The following ACACA variants were observed in gnomAD, a reference collection of about 807,000 sequenced individuals.
ACACA encodes acetyl-CoA carboxylase 1.
A neutral mutation model predicts 296.1 loss-of-function variants in ACACA; 103 were observed. The ratio of observed to expected loss-of-function variants is 0.35; its 90% CI spans 0.30 to 0.41. ACACA has a LOEUF of 0.41. Among genes scored for constraint, ACACA ranks in the 10% least tolerant of loss-of-function variants. ACACA has a pLI of 1.00. For missense variants in ACACA, 1,554 were observed against 2,989.7 expected, an observed-to-expected ratio of 0.52 and a Z score of 11.20; for synonymous variants, 953 against 1,038.6, an observed-to-expected ratio of 0.92 and a Z score of 1.58.
intron 1 of ACACA, chr17:37,376,205 A>C: frequency 6.9e-7 from 1 of 1,451,428 alleles, no homozygotes; most frequent in Non-Finnish European, 9.7e-7. Context: ...GCCTAGAAAG[A>C]GTTTCGGGGT....
Position 37,406,378 on chromosome 17 carries a change from G to A in ACACA, c.-79C>T, listed in dbSNP as rs1203089574. 3.3e-6 allele frequency: 5 copies of A among 1,505,450 alleles called. No homozygotes were observed. The African/African-American group carries it at 5.5e-5, about 17-fold the overall frequency. 93.3% of individuals were successfully genotyped at this position (1,505,450 alleles called of 1,614,324 possible). A position where few individuals can be genotyped will look rare whatever the true frequency, so the allele number is the denominator to read the frequency against. The stretch of plus-strand genomic sequence containing the variant: ...TCTTTCCAAAGAAGACAATTTCGAC[G>A]TTCCAGGAGCATCTGATTGAAACGC... On this transcript the variant is annotated 5_prime_UTR_variant, in exon 1 of 56. It adds an upstream start codon to the 5' untranslated region. Coordinates refer to ENST00000616317, the MANE Select transcript of ACACA (RefSeq NM_198834.3).
At chr17:37,116,614 T>C (rs796534677) in intron 50 of ACACA, among the ~76,000 whole-genome samples, 7 of 152,246 alleles carry the variant, frequency 4.6e-5, no homozygotes, top group African/African-American at 1.7e-4. Flanking sequence ...GGAACACCTA[T>C]AGACCCACAG....
intron 2 of ACACA, among the ~76,000 whole-genome samples, chr17:37,334,643 A>C (rs1003441931): frequency 3.3e-5 from 5 of 152,110 alleles, no homozygotes; most frequent in Admixed American, 1.3e-4. Context: ...ACCAGGGGGA[A>C]AGTAACTAAA....
In ACACA at chr17:37,372,258, A is replaced by C. The variant is rs182860142; in HGVS notation, c.39-32408T>G. Among the ~76,000 whole-genome samples the C allele has an allele frequency of 1.5e-3, 227 of 151,542 alleles. 2 individuals carry two copies. The highest frequency in any genetic ancestry group is 5.3e-3 in the African/African-American group (218 of 41,302). ...GAAACCCCATCTCTACTAAAAATAC[A>C]AAAAATTAGCCAAGCGTGGTGGCGG... On this transcript the variant is annotated intron_variant, in intron 1 of 55. Coordinates refer to ENST00000616317, the MANE Select transcript of ACACA (RefSeq NM_198834.3).
Position 37,330,248 on chromosome 17 carries a change from G to A in ACACA, c.263C>T (p.Pro88Leu). ...GAGTGTATCTGAGCCAACAGAAGCA[G>A]GTGACAAGGAGCCCTCCTTCTCCTC... The part of the protein sequence containing the change: ...LLEEKEGSLS[P>L]ASVGSDTLSD... Residue 88 changes from proline to leucine, a missense_variant, in exon 3 of 56, where the codon CCT becomes CTT. This residue lies in a region of ACACA where 140 missense variants were observed against 147.7 expected (regional missense o/e 0.95). Coordinates refer to ENST00000616317, the MANE Select transcript of ACACA (RefSeq NM_198834.3). 1 of 1,614,076 alleles carries A rather than the reference G, an allele frequency of 6.2e-7. No individual in the cohort carries two copies. The highest frequency in any genetic ancestry group is 2.2e-5 in the East Asian group (1 of 44,890).
chr17:37,189,391 T>TGCCA (rs1200840361), intron 38 of ACACA, among the ~76,000 whole-genome samples: 1 of 152,320 alleles, frequency 6.6e-6, no homozygotes, highest in Middle Eastern at 3.4e-3. Flanking sequence ...TAGTAGCATG[T>TGCCA]GCCACCCTTG....
intron 45 of ACACA, among the ~76,000 whole-genome samples, chr17:37,146,662 G>C (rs941974419): frequency 6.9e-6 from 1 of 145,196 alleles, no homozygotes; most frequent in Non-Finnish European, 1.5e-5. Context: ...GTAAGAGGTG[G>C]GGGGGAAGGG....
At chr17:37,091,188 T>C (rs2072607622) in intron 54 of ACACA, among the ~76,000 whole-genome samples, 1 of 152,166 alleles carries the variant, frequency 6.6e-6, no homozygotes, top group African/African-American at 2.4e-5. Context: ...AGCTACCCTC[T>C]AGAGAAAACT....
chr17:37,390,320 A>ATTTTATATATATATATAT (rs1429328377), intron 1 of ACACA, among the ~76,000 whole-genome samples: 1 of 47,950 alleles, frequency 2.1e-5, no homozygotes, highest in African/African-American at 1.1e-4. Flanking sequence ...ATATATATAT[A>ATTTTATATATATATATAT]TATATATATA....
chr17:37,135,904 C>T (rs927160036), intron 45 of ACACA, among the ~76,000 whole-genome samples: 2 of 150,950 alleles, frequency 1.3e-5, no homozygotes, highest in African/African-American at 4.9e-5. Flanking sequence ...TAATTCCAAA[C>T]AGGAATTCTT....
At chr17:37,397,677 C>T (rs1418491415) in intron 1 of ACACA, among the ~76,000 whole-genome samples, 1 of 151,946 alleles carries the variant, frequency 6.6e-6, no homozygotes, top group Admixed American at 6.6e-5. Flanking sequence ...ATTCAATGAC[C>T]TGATTTGTCA....
intron 10 of ACACA, among the ~76,000 whole-genome samples, chr17:37,267,505 C>G (rs2081841416): frequency 6.6e-6 from 1 of 152,164 alleles, no homozygotes; most frequent in South Asian, 2.1e-4. Flanking sequence ...TGTTTTTCAT[C>G]CTTTTGTCTT....
At chr17:37,195,690 AT>A (rs2145169548) in intron 35 of ACACA, among the ~76,000 whole-genome samples, 1 of 152,226 alleles carries the variant, frequency 6.6e-6, no homozygotes, top group African/African-American at 2.4e-5. Context: ...ACAAAAAGTA[AT>A]CTCTTTTGGC....
chr17:37,129,242 AT>A, intron 47 of ACACA, 122 bp downstream of exon 47: 1 of 1,368,236 alleles, frequency 7.3e-7, no homozygotes, highest in Non-Finnish European at 1.0e-6. Flanking sequence ...GGTCTTTCTC[AT>A]TTCTAGGTAC....
Sources: allele counts gnomAD v4.1 joint callset (sites outside exome capture counted in the v4.1 genomes callset), GRCh38; gene constraint gnomAD v4.1.1; regional missense constraint gnomAD v4.1.1; transcripts MANE v1.5; gene names NCBI Gene and HGNC (gene_info 2026-07-23, HGNC 2026-07-21).